NOMO1: variants seen among roughly 807,000 people sequenced by gnomAD.
NOMO1 encodes nodal modulator 3.
A neutral mutation model predicts 133.8 loss-of-function variants in NOMO1; 40 were observed. That is an observed-to-expected ratio of 0.30 (90% confidence interval 0.23 to 0.39). The LOEUF is 0.39. NOMO1 is among the 10% of genes least tolerant of loss of function. The pLI is 1.00. For synonymous variants in NOMO1, 236 were observed against 570.5 expected (o/e 0.41, Z 8.36); for missense variants, 462 against 1,419.9 (o/e 0.33, Z 10.84).
At chr16:14,861,009 T>C (rs1963916720) in intron 11 of NOMO1, among the ~76,000 whole-genome samples, 1 of 140,704 alleles carries the variant, frequency 7.1e-6, no homozygotes, top group Non-Finnish European at 1.5e-5. Flanking sequence ...CTAATTTTTA[T>C]ATTTTTTAGT....
At chr16:14,864,490 T>G (rs903449449) in intron 12 of NOMO1, 95 bp from the exon 13 acceptor site, 1 of 1,558,142 alleles carries the variant, frequency 6.4e-7, no homozygotes, top group Non-Finnish European at 8.7e-7. Flanking sequence ...AAAATCTCTT[T>G]AGCCTTGGTC....
intron 3 of NOMO1, among the ~76,000 whole-genome samples, chr16:14,841,882 T>A (rs1963608364): frequency 6.6e-6 from 1 of 151,596 alleles, no homozygotes. Context: ...TTAAATAACT[T>A]TGGGCAAGTT....
intron 25 of NOMO1, 60 bp downstream of exon 25, chr16:14,881,745 C>A: frequency 6.2e-7 from 1 of 1,607,598 alleles, no homozygotes; most frequent in Non-Finnish European, 8.5e-7. Flanking sequence ...CCAGAAGTAT[C>A]TTGTGGTGGC....
At chr16:14,836,699 T>TGA (rs1963517218) in intron 1 of NOMO1, among the ~76,000 whole-genome samples, 1 of 146,178 alleles carries the variant, frequency 6.8e-6, no homozygotes, top group African/African-American at 2.5e-5. Context: ...TTTTACTTTT[T>TGA]TTTTTTTTTT....
Position 14,896,098 on chromosome 16 carries a change from G to A in NOMO1, c.*453G>A, listed in dbSNP as rs757912817. 1 of 1,612,004 alleles carries A rather than the reference G, an allele frequency of 6.2e-7. No individual in the cohort carries two copies. The highest frequency in any genetic ancestry group is 2.2e-5 in the East Asian group (1 of 44,882). ...ATCCTGCTGGAAACCACAGCAACCT[G>A]TATCCACTATTAGGAGGTAAAAATC... On this transcript the variant is annotated 3_prime_UTR_variant, in exon 31 of 31. Transcript: ENST00000287667.
In NOMO1 at chr16:14,868,614, C is replaced by T. The variant is rs144691973; in HGVS notation, c.1873C>T (p.Arg625Ter). Residue 625 changes from arginine to a stop codon, truncating the protein, a stop_gained, in exon 16 of 31, where the codon CGA (arginine) becomes TGA (stop). Coordinates refer to ENST00000287667, the MANE Select transcript of NOMO1 (RefSeq NM_014287.4). LOFTEE classifies it high-confidence loss of function. ...TTATAACCTCTCCAAAGGAGTCAACCGATTCTGCCTGTCCAAGCCTGGTAA... is the reference window on the plus strand; with the variant it reads ...TTATAACCTCTCCAAAGGAGTCAACTGATTCTGCCTGTCCAAGCCTGGTAA... Reference protein sequence around the residue: ...GIYNLSKGVNRFCLSKPGVYK... With the variant: ...GIYNLSKGVN 85 of 1,591,756 alleles carry T rather than the reference C, an allele frequency of 5.3e-5. No homozygotes were observed. The highest frequency in any genetic ancestry group is 1.1e-4 in the East Asian group (5 of 44,680).
At chr16:14,884,919 T>G (rs765359613) in intron 27 of NOMO1, among the ~76,000 whole-genome samples, 48 of 152,076 alleles carry the variant, frequency 3.2e-4, no homozygotes, top group Non-Finnish European at 6.2e-4. Flanking sequence ...CAAAAGAGGT[T>G]TCATTGGCTC....
intron 26 of NOMO1, among the ~76,000 whole-genome samples, chr16:14,883,026 C>T (rs1205581687): frequency 1.3e-5 from 2 of 152,062 alleles, no homozygotes; most frequent in African/African-American, 4.8e-5. Context: ...GGCAGGGCCA[C>T]GCAGTTATCT....
chr16:14,866,420 T>A, intron 14 of NOMO1, 135 bp from the exon 15 acceptor site: 6 of 1,512,320 alleles, frequency 4.0e-6, no homozygotes, highest in Non-Finnish European at 5.4e-6. Context: ...TATGTATGTG[T>A]ATATTTCTAT....
At chr16:14,847,019 T>A (rs1963692645) in intron 5 of NOMO1, among the ~76,000 whole-genome samples, 1 of 151,796 alleles carries the variant, frequency 6.6e-6, no homozygotes, top group African/African-American at 2.4e-5. Flanking sequence ...TTAGGGAGAC[T>A]CAATCTCCAC....
At chr16:14,886,960 C>G (rs1964334481) in intron 28 of NOMO1, 98 bp downstream of exon 28, 2 of 1,469,834 alleles carry the variant, frequency 1.4e-6, no homozygotes, top group Non-Finnish European at 1.9e-6. Flanking sequence ...CCCTAAATAC[C>G]ACTCTGCAGA....
chr16:14,893,545 A>T (rs1964436131), intron 29 of NOMO1, among the ~76,000 whole-genome samples: 1 of 152,012 alleles, frequency 6.6e-6, no homozygotes, highest in East Asian at 1.9e-4. Context: ...GTTCTAAGAG[A>T]TGTCCAAAGA....
chr16:14,871,902 G>C (rs967254835), intron 17 of NOMO1, among the ~76,000 whole-genome samples: 3 of 151,208 alleles, frequency 2.0e-5, no homozygotes, highest in African/African-American at 7.3e-5. Flanking sequence ...GTAACCCCAG[G>C]ATAGAGGGCT....
chr16:14,843,623 C>T (rs983360347), intron 3 of NOMO1, among the ~76,000 whole-genome samples: 4 of 151,818 alleles, frequency 2.6e-5, no homozygotes, highest in Non-Finnish European at 5.9e-5. Context: ...ATGAAAATTC[C>T]ACTTTTTTGT....
At chr16:14,873,693 C>T (rs1361925710) in intron 18 of NOMO1, among the ~76,000 whole-genome samples, 1 of 151,718 alleles carries the variant, frequency 6.6e-6, no homozygotes, top group Non-Finnish European at 1.5e-5. Context: ...AGCTTGATTA[C>T]ATTCATTTTT....
chr16:14,842,773 A>G (rs1003813650), intron 3 of NOMO1, among the ~76,000 whole-genome samples: 1 of 150,506 alleles, frequency 6.6e-6, no homozygotes, highest in Non-Finnish European at 1.5e-5. Context: ...TACAAATGCT[A>G]TCATGCAGGG....
chr16:14,871,188 C>T (rs1198650489), intron 16 of NOMO1, among the ~76,000 whole-genome samples: 1 of 151,748 alleles, frequency 6.6e-6, no homozygotes, highest in African/African-American at 2.4e-5. Context: ...GCTTCCCTTA[C>T]TCCTTACCTC....
At chr16:14,837,184 A>G (rs529236988) in intron 1 of NOMO1, among the ~76,000 whole-genome samples, 1 of 150,300 alleles carries the variant, frequency 6.7e-6, no homozygotes, top group African/African-American at 2.4e-5. Context: ...TGCCTAGCTA[A>G]TTTTTTTTCT....
At chr16:14,874,423 G>C (rs1280108714) in intron 18 of NOMO1, among the ~76,000 whole-genome samples, 2 of 152,020 alleles carry the variant, frequency 1.3e-5, no homozygotes, top group Non-Finnish European at 2.9e-5. Flanking sequence ...CCAAGCTACT[G>C]TTTACCCAGA....
Sources: allele counts gnomAD v4.1 joint callset (sites outside exome capture counted in the v4.1 genomes callset), GRCh38; gene constraint gnomAD v4.1.1; transcripts MANE v1.5; gene names NCBI Gene and HGNC (gene_info 2026-07-23, HGNC 2026-07-21).